Variants in DROSHA observed in about 807,000 individuals in gnomAD.
DROSHA encodes ribonuclease 3.
DROSHA carries 56 observed loss-of-function variants against 181.9 expected under a neutral mutation model. That is an observed-to-expected ratio of 0.31 (90% CI 0.25 to 0.38). DROSHA has a LOEUF of 0.38. Among genes scored for constraint, DROSHA ranks in the 10% least tolerant of loss-of-function variants. The pLI is 1.00. For missense variants in DROSHA, 1,218 were observed against 1,743.5 expected (o/e 0.70, Z 5.37); for synonymous variants, 524 against 591.2 (o/e 0.89, Z 1.65).
intron 19 of DROSHA, among the ~76,000 whole-genome samples, chr5:31,465,425 G>A (rs1748892217): frequency 6.6e-6 from 1 of 152,164 alleles, no homozygotes; most frequent in Non-Finnish European, 1.5e-5. Context: ...CCAACTTTAA[G>A]ACCAAGAAAT....
At chr5:31,469,185 C>G (rs979025253) in intron 17 of DROSHA, among the ~76,000 whole-genome samples, 1 of 152,094 alleles carries the variant, frequency 6.6e-6, no homozygotes, top group Non-Finnish European at 1.5e-5. Flanking sequence ...AGTGAAACCC[C>G]ATCTCTACTA....
intron 35 of DROSHA, among the ~76,000 whole-genome samples, chr5:31,403,217 A>C (rs1173263516): frequency 1.3e-5 from 2 of 152,234 alleles, no homozygotes. Context: ...AACAAACCCC[A>C]CTAAGCTGTA....
chr5:31,401,266 C>T lies in DROSHA; in HGVS notation c.*166G>A. 3.2e-6 allele frequency: 3 copies of T among 945,088 alleles called. No individual in the cohort carries two copies. Among genetic ancestry groups the T allele is most frequent in the Non-Finnish European group, 4.9e-6 (3 of 614,218 alleles). The allele number at this position is 945,088 out of a possible 1,614,324, so 58.5% of individuals were successfully genotyped here. On this transcript the variant is annotated 3_prime_UTR_variant, in exon 36 of 36. Transcript: ENST00000344624. ...AAATCTAATACTTTGTAATAAAGAC[C>T]ATCCAGCTAAAAACAGATCATTAAA...
chr5:31,431,366 C>CAAAAAAAAAAAAA (rs58316191), intron 26 of DROSHA, among the ~76,000 whole-genome samples: 3 of 57,666 alleles, frequency 5.2e-5, no homozygotes, highest in African/African-American at 6.7e-5. Flanking sequence ...CAGTAGAATG[C>CAAAAAAAAAAAAA]AAAAAAAAAA....
intron 6 of DROSHA, among the ~76,000 whole-genome samples, chr5:31,518,012 G>C (rs1339236547): frequency 1.3e-5 from 2 of 152,112 alleles, no homozygotes; most frequent in African/African-American, 4.8e-5. Context: ...TATAGTCTAA[G>C]AAATGAGTCC....
chr5:31,479,765 A>G (rs1037837660), intron 16 of DROSHA, among the ~76,000 whole-genome samples: 2 of 152,094 alleles, frequency 1.3e-5, no homozygotes, highest in African/African-American at 4.8e-5. Context: ...CTGTATCTGT[A>G]TATTTGAATA....
chr5:31,490,498 T>C (rs897192754), intron 13 of DROSHA, among the ~76,000 whole-genome samples: 2 of 152,180 alleles, frequency 1.3e-5, no homozygotes, highest in African/African-American at 4.8e-5. Flanking sequence ...AAACTTCAGA[T>C]AAGTTGTCAG....
chr5:31,448,603 A>G lies in DROSHA; in HGVS notation c.2826T>C (p.Ile942=), dbSNP rs1256922896. ...VHHMHMRKKG[I]NTLINIMSRL... Reference sequence around the variant, plus strand: ...GTGACATGATATTTATCAAGGTGTTAATCCCTATTTAAAATAAAAAACAAA... The same window carrying G: ...GTGACATGATATTTATCAAGGTGTTGATCCCTATTTAAAATAAAAAACAAA... The change falls in exon 23 of 36, where the codon ATT becomes ATC. Residue 942 remains isoleucine, a synonymous_variant. Transcript: ENST00000344624. 5.0e-6 allele frequency: 8 copies of G among 1,612,866 alleles called. No individual in the cohort carries two copies. Among genetic ancestry groups the G allele is most frequent in the East Asian group, 2.2e-5 (1 of 44,836 alleles).
rs778450641 is a variant in DROSHA at position 31,526,072 on chromosome 5, G to A, written c.854+7C>T. 1.1e-5 allele frequency: 17 copies of A among 1,572,318 alleles called. No homozygotes were observed. The highest frequency in any genetic ancestry group is 2.7e-5 in the African/African-American group (2 of 74,200). On this transcript the variant is annotated splice_region_variant and intron_variant, in intron 5 of 35. Transcript: ENST00000344624. ...GTTCATTAAAGAACTACACACAAGC[G>A]GTTTACCTGCTCCGTTCGTAGCTGC...
chr5:31,426,731 C>T (rs1277290720), intron 27 of DROSHA, among the ~76,000 whole-genome samples: 1 of 152,064 alleles, frequency 6.6e-6, no homozygotes, highest in Admixed American at 6.6e-5. Flanking sequence ...CTATTAAATG[C>T]TACGTTATGT....
chr5:31,411,005 A>T lies in DROSHA; in HGVS notation c.3526-118T>A. 1 of 1,437,562 alleles carries T rather than the reference A, an allele frequency of 7.0e-7. No individual in the cohort carries two copies. Among genetic ancestry groups the T allele is most frequent in the Non-Finnish European group, 9.4e-7 (1 of 1,058,992 alleles). 89.1% of individuals were successfully genotyped at this position (1,437,562 alleles called of 1,614,324 possible). A position where few individuals can be genotyped will look rare whatever the true frequency, so the allele number is the denominator to read the frequency against. On this transcript the variant is annotated intron_variant, in intron 30 of 35. Coordinates refer to ENST00000344624, the MANE Select transcript of DROSHA (RefSeq NM_001382508.1). This position sits in a 1 kb window ranked among gnomAD's most constrained non-coding sequence, Gnocchi z 4.2. ...ACTGACAGGGACACCAAAATAAGTG[A>T]GGTCTATGGCCTCAACCATCACCCA... is the stretch of plus-strand genomic sequence containing the variant.
intron 20 of DROSHA, among the ~76,000 whole-genome samples, chr5:31,454,988 C>T (rs903099342): frequency 2.0e-5 from 3 of 148,702 alleles, no homozygotes; most frequent in Non-Finnish European, 4.5e-5. Context: ...CAATAACCTT[C>T]GAAATAAGAA....
chr5:31,515,691 C>T (rs1739202619), intron 6 of DROSHA, 127 bp from the exon 7 acceptor site: 1 of 1,309,336 alleles, frequency 7.6e-7, no homozygotes, highest in Non-Finnish European at 1.0e-6. Flanking sequence ...TAAGACTTCA[C>T]AAAACAGGGT....
rs187001209 is a variant in DROSHA, at chr5:31,493,258, G to A, written c.1791C>T (p.His597=). Residue 597 remains histidine (H), a synonymous_variant, in exon 13 of 36, where the codon CAC becomes CAT. Coordinates refer to ENST00000344624, the MANE Select transcript of DROSHA (RefSeq NM_001382508.1). ...TAGAAAATCCTTCAAAGATATACTC[G>A]TGATCATCGTATTCTATAACAGTTG... ...DRPTVIEYDD[H]EYIFEGFSMF... The A allele has an allele frequency of 1.1e-4, 184 of 1,605,454 alleles. No homozygotes were observed. The highest frequency in any genetic ancestry group is 1.8e-4 in the East Asian group (8 of 44,714).
chr5:31,439,881 G>A (rs1745364072), intron 23 of DROSHA, among the ~76,000 whole-genome samples: 1 of 152,154 alleles, frequency 6.6e-6, no homozygotes, highest in Admixed American at 6.5e-5. Context: ...TGGGGCCTGA[G>A]CAAAGACAGC....
chr5:31,456,954 T>C (rs1271493405), intron 20 of DROSHA, among the ~76,000 whole-genome samples: 2 of 151,876 alleles, frequency 1.3e-5, no homozygotes, highest in Non-Finnish European at 2.9e-5. Flanking sequence ...GCCTTGACCT[T>C]CCAAAGCACT....
intron 33 of DROSHA, among the ~76,000 whole-genome samples, chr5:31,407,980 C>T (rs1348708455): frequency 4.6e-5 from 7 of 151,956 alleles, no homozygotes; most frequent in Admixed American, 4.6e-4. Flanking sequence ...CTTTTTTCCC[C>T]CAATAAATAA....
chr5:31,446,884 A>G (rs542432273), intron 23 of DROSHA, among the ~76,000 whole-genome samples: 1 of 152,214 alleles, frequency 6.6e-6, no homozygotes, highest in South Asian at 2.1e-4. Context: ...TACCAAAAAT[A>G]TAAAAATTAG....
At chr5:31,459,809 G>C (rs1411733056) in intron 20 of DROSHA, among the ~76,000 whole-genome samples, 1 of 152,168 alleles carries the variant, frequency 6.6e-6, no homozygotes, top group African/African-American at 2.4e-5. Flanking sequence ...TCCAAATACA[G>C]CTCTCTGTCC....
Sources: allele counts gnomAD v4.1 joint callset (sites outside exome capture counted in the v4.1 genomes callset), GRCh38; gene constraint gnomAD v4.1.1; non-coding constraint Gnocchi (gnomAD v3.1); transcripts MANE v1.5; gene names NCBI Gene and HGNC (gene_info 2026-07-23, HGNC 2026-07-21).